Variants in RASL12 observed in about 807,000 individuals in gnomAD.
RASL12 encodes the protein RAS like family 12, also known as ras-like protein family member 12.
RASL12 carries 16 observed loss-of-function variants against 22.9 expected under a neutral mutation model. That is an observed-to-expected ratio of 0.70 (90% CI 0.47 to 1.06). RASL12 has a LOEUF of 1.06. Among genes scored for constraint, RASL12 ranks in the 50% least tolerant of loss-of-function variants. RASL12 has a pLI of 0.00. For missense variants in RASL12, 306 were observed against 353.1 expected (o/e 0.87, Z 1.07); for synonymous variants, 159 against 152.2 (o/e 1.04, Z -0.33).
chr15:65,065,072 C>A (rs2232755), intron 2 of RASL12, 145 bp downstream of exon 2: 1 of 683,720 alleles, frequency 1.5e-6, no homozygotes, highest in Non-Finnish European at 2.4e-6. Flanking sequence ...AAAACATTTT[C>A]CCCCATGGGC....
intron 4 of RASL12, among the ~76,000 whole-genome samples, chr15:65,057,423 T>C (rs1016163101): frequency 2.6e-5 from 4 of 152,118 alleles, no homozygotes; most frequent in Non-Finnish European, 5.9e-5. Context: ...GGCGGGCAAC[T>C]TGAATGTGTG....
chr15:65,053,727 G>T lies in RASL12; in HGVS notation c.*1172C>A. The T allele has an allele frequency of 1.0e-6, 1 of 987,010 alleles. No homozygotes were observed. Among genetic ancestry groups the T allele is most frequent in the Non-Finnish European group, 1.2e-6 (1 of 830,860 alleles). 61.1% of individuals were successfully genotyped at this position (987,010 alleles called of 1,614,324 possible). A position where few individuals can be genotyped will look rare whatever the true frequency, so the allele number is the denominator to read the frequency against. On this transcript the variant is annotated 3_prime_UTR_variant, in exon 5 of 5. Coordinates refer to ENST00000220062, the MANE Select transcript of RASL12 (RefSeq NM_016563.4). ...CCCTGCTTGTCTGCTAAGAGTCTGT[G>T]CAAGACTTCCCTGGGACCTGGCGTG...
At position 65,067,894 on chromosome 15, in the gene RASL12, G is replaced by T; in HGVS notation, c.-59C>A. 1 of 1,373,486 alleles carries T rather than the reference G, an allele frequency of 7.3e-7. No homozygotes were observed. The highest frequency in any genetic ancestry group is 9.4e-7 in the Non-Finnish European group (1 of 1,069,200). 85.1% of individuals were successfully genotyped at this position (1,373,486 alleles called of 1,614,324 possible). A position where few individuals can be genotyped will look rare whatever the true frequency, so the allele number is the denominator to read the frequency against. On this transcript the variant is annotated 5_prime_UTR_variant, in exon 1 of 5. Coordinates refer to ENST00000220062, the MANE Select transcript of RASL12 (RefSeq NM_016563.4). ...CCGGTGGGCCCCGCGCAGTGCGCCC[G>T]CCCGTCGGGGCCCAGGGGAGCGGGA...
At chr15:65,059,200 G>A (rs1263818178) in intron 3 of RASL12, 145 bp downstream of exon 3, 1 of 674,660 alleles carries the variant, frequency 1.5e-6, no homozygotes, top group South Asian at 1.7e-5. Flanking sequence ...ACCCAGAGAG[G>A]TCAAGTGCCT....
At chr15:65,057,618 A>G (rs2086748456) in intron 4 of RASL12, among the ~76,000 whole-genome samples, 1 of 152,122 alleles carries the variant, frequency 6.6e-6, no homozygotes, top group Admixed American at 6.5e-5. Context: ...TTCGAGTCCA[A>G]CCCTTTCTAA....
intron 1 of RASL12, 100 bp downstream of exon 1, chr15:65,067,633 C>T (rs1031409870): frequency 4.8e-5 from 67 of 1,386,806 alleles, no homozygotes; most frequent in Non-Finnish European, 6.4e-5. Context: ...GGAAGCTCCC[C>T]AAGCCAGTGG....
intron 1 of RASL12, among the ~76,000 whole-genome samples, chr15:65,074,802 G>A (rs531601172): frequency 4.1e-4 from 62 of 152,354 alleles, no homozygotes; most frequent in Middle Eastern, 6.8e-3. Flanking sequence ...CCCTCAGTGC[G>A]CCCGCACGCT....
chr15:65,052,977 T>A, downstream of RASL12: 4 of 1,555,604 alleles, frequency 2.6e-6, no homozygotes, highest in Non-Finnish European at 3.5e-6. Context: ...AAAGAAAAGA[T>A]GCAGCCACCA....
the RASL12 span, among the ~76,000 whole-genome samples, chr15:65,047,146 G>A: frequency 1.3e-5 from 2 of 151,546 alleles, no homozygotes; most frequent in South Asian, 4.2e-4. Context: ...CACCAACCTG[G>A]CAAACATGGT....
chr15:65,049,835 G>C (rs2086625872), downstream of RASL12: 1 of 430,858 alleles, frequency 2.3e-6, no homozygotes, highest in Non-Finnish European at 4.2e-6. Flanking sequence ...ATCTGGATTT[G>C]GGCACAGAGG....
intron 3 of RASL12, 78 bp from the exon 4 acceptor site, chr15:65,058,695 A>C: frequency 3.9e-6 from 4 of 1,027,906 alleles, no homozygotes; most frequent in South Asian, 2.4e-5. Context: ...GCCCAATCCC[A>C]CCTCCCCACT....
intron 2 of RASL12, among the ~76,000 whole-genome samples, chr15:65,059,719 C>A (rs2086779286): frequency 6.6e-6 from 1 of 152,220 alleles, no homozygotes; most frequent in South Asian, 2.1e-4. Context: ...TGTGTGGCCC[C>A]TAGACCCTGT....
downstream of RASL12, chr15:65,050,081 G>T: frequency 6.4e-7 from 1 of 1,551,636 alleles, no homozygotes; most frequent in South Asian, 1.2e-5. Flanking sequence ...GAGATGCTTT[G>T]GTTTTTTCGT....
chr15:65,046,965 C>T, the RASL12 span, among the ~76,000 whole-genome samples: 9 of 152,188 alleles, frequency 5.9e-5, no homozygotes, highest in South Asian at 1.0e-3. Context: ...AGCTTACCTG[C>T]GTCTTTGTAC....
rs773627179 is a variant in RASL12 at position 65,058,664 on chromosome 15, G to C, written c.235-47C>G. ...CCGCCGGGGGGCAGAGGAGGTTGGGGTAAAGGCCTTCACCTGAGCCGCCCA... is the reference window on the plus strand; with the variant it reads ...CCGCCGGGGGGCAGAGGAGGTTGGGCTAAAGGCCTTCACCTGAGCCGCCCA... On this transcript the variant is annotated intron_variant, in intron 3 of 4. Coordinates refer to ENST00000220062, the MANE Select transcript of RASL12 (RefSeq NM_016563.4). 2.8e-6 allele frequency: 4 copies of C among 1,412,564 alleles called. No homozygotes were observed. The South Asian group carries it at 6.4e-5, about 23-fold the overall frequency. 87.5% of individuals were successfully genotyped at this position (1,412,564 alleles called of 1,614,324 possible). A position where few individuals can be genotyped will look rare whatever the true frequency, so the allele number is the denominator to read the frequency against.
chr15:65,070,781 C>T (rs2086926433), upstream of RASL12, among the ~76,000 whole-genome samples: 1 of 152,198 alleles, frequency 6.6e-6, no homozygotes, highest in South Asian at 2.1e-4. Context: ...CTTCTGGAGG[C>T]ACAACATGAC....
upstream of RASL12, among the ~76,000 whole-genome samples, chr15:65,072,444 A>G (rs1457001053): frequency 1.3e-5 from 2 of 152,172 alleles, no homozygotes; most frequent in Non-Finnish European, 2.9e-5. Context: ...GGGGGAGAGA[A>G]GTTCCCCTGC....
At chr15:65,060,772 G>T (rs1179353312) in intron 2 of RASL12, among the ~76,000 whole-genome samples, 1 of 152,224 alleles carries the variant, frequency 6.6e-6, no homozygotes, top group Admixed American at 6.5e-5. Flanking sequence ...CCCCAACCCT[G>T]GCTGAATTTA....
chr15:65,069,099 A>G (rs961563008), upstream of RASL12, among the ~76,000 whole-genome samples: 4 of 151,910 alleles, frequency 2.6e-5, no homozygotes, highest in African/African-American at 2.4e-5. Flanking sequence ...CTACCCACCC[A>G]CCCACAGAGG....
Sources: allele counts gnomAD v4.1 joint callset (sites outside exome capture counted in the v4.1 genomes callset), GRCh38; gene constraint gnomAD v4.1.1; transcripts MANE v1.5; gene names NCBI Gene and HGNC (gene_info 2026-07-23, HGNC 2026-07-21).